Variants in TEP1 observed in about 807,000 individuals in gnomAD.
TEP1 encodes the protein telomerase protein component 1.
A neutral mutation model predicts 306.3 loss-of-function variants in TEP1; 241 were observed. That is an observed-to-expected ratio of 0.79 (90% CI 0.71 to 0.88). The LOEUF (loss-of-function observed/expected upper bound fraction) is 0.88, where lower values mean the gene tolerates loss of function less well. Among genes scored for constraint, TEP1 ranks in the 40% least tolerant of loss-of-function variants. The probability of loss-of-function intolerance (pLI) is 0.00; values close to 1 mark genes in which losing one functional copy is unlikely to be tolerated. For synonymous variants in TEP1, 1,289 were observed against 1,305.5 expected (o/e 0.99, Z 0.27); for missense variants, 3,051 against 3,276.1 (o/e 0.93, Z 1.68).
chr14:20,373,380 A>G lies in TEP1; in HGVS notation c.6704T>C (p.Leu2235Pro). ...AGCACGGACTGGGCCGCTGTGTCCCAGGAGGGTGTGGGTTTGGCACACCTA... is the reference window on the plus strand; with the variant it reads ...AGCACGGACTGGGCCGCTGTGTCCCGGGAGGGTGTGGGTTTGGCACACCTA... ...PLLVCQTHTL[L>P]GHSGPVRAAA... The change falls in exon 47 of 55, where the codon CTG (leucine) becomes CCG (proline). Residue 2235 changes from leucine to proline, a missense_variant. Physicochemically the swap from Leu to Pro is moderately conservative, Grantham distance 98. Coordinates refer to ENST00000262715, the MANE Select transcript of TEP1 (RefSeq NM_007110.5). 1 of 1,614,186 alleles carries G rather than the reference A, an allele frequency of 6.2e-7. No homozygotes were observed. The highest frequency in any genetic ancestry group is 8.5e-7 in the Non-Finnish European group (1 of 1,180,042).
chr14:20,386,071 T>A lies in TEP1; in HGVS notation c.2982+4A>T. On this transcript the variant is annotated splice_donor_region_variant and intron_variant, in intron 20 of 54. Coordinates refer to ENST00000262715, the MANE Select transcript of TEP1 (RefSeq NM_007110.5). ...CAGCCCTCCTCCAAACCTGTCTGCC[T>A]TACCCAGTGGAAGTGTGGATGGTCA... 6.2e-7 allele frequency: 1 copy of A among 1,606,492 alleles called. No individual in the cohort carries two copies. Among genetic ancestry groups the A allele is most frequent in the African/African-American group, 1.3e-5 (1 of 74,590 alleles).
chr14:20,402,103 T>C (rs1405822087), intron 7 of TEP1, among the ~76,000 whole-genome samples: 1 of 152,054 alleles, frequency 6.6e-6, no homozygotes, highest in Non-Finnish European at 1.5e-5. Context: ...GTCAGGAGTT[T>C]GAGACCAGTC....
intron 2 of TEP1, 44 bp downstream of exon 2, chr14:20,407,829 C>T (rs766482594): frequency 6.7e-7 from 1 of 1,487,816 alleles, no homozygotes; most frequent in East Asian, 2.3e-5. Flanking sequence ...CAAGAGCATA[C>T]AACAGACATG....
intron 1 of TEP1, among the ~76,000 whole-genome samples, chr14:20,410,664 A>T (rs1294837172): frequency 1.4e-5 from 2 of 147,582 alleles, no homozygotes; most frequent in African/African-American, 2.5e-5. Flanking sequence ...CTGGTCTCGA[A>T]CTCCTGACCT....
At position 20,391,049 on chromosome 14, in the gene TEP1, C is replaced by A. The variant is rs773710293; in HGVS notation, c.2145G>T (p.Arg715Ser). Residue 715 changes from arginine (R) to serine (S), a missense_variant, in exon 14 of 55, where the codon AGG becomes AGT. By Grantham distance (110) the Arg-to-Ser change is moderately radical. Coordinates refer to ENST00000262715, the MANE Select transcript of TEP1 (RefSeq NM_007110.5). ...ACAGCACGACGTCCACCTGCTCCGC[C>A]CTCGTGATCATCATCCCAATCAACA... The part of the protein sequence containing the change: ...ALLLIGMMIT[R>S]AEQVDVVLCG... The A allele has an allele frequency of 6.2e-7, 1 of 1,614,136 alleles. No individual in the cohort carries two copies. Among genetic ancestry groups the A allele is most frequent in the South Asian group, 1.1e-5 (1 of 91,080 alleles).
chr14:20,403,377 C>G lies in TEP1; in HGVS notation c.1266G>C (p.Lys422Asn), dbSNP rs749073105. ...TACAACCCCAGAAGAAGGGACTCAC[C>G]TTTCTCTGCTCTTCTCTGAGAAACC... ...YIGFLREEQRKFEKAGDTVSE... is the reference protein window; with the variant it reads ...YIGFLREEQRNFEKAGDTVSE... The change falls in exon 7 of 55, where the codon AAG becomes AAC. Residue 422 changes from lysine to asparagine, a missense_variant and splice_region_variant. Coordinates refer to ENST00000262715, the MANE Select transcript of TEP1 (RefSeq NM_007110.5). The G allele has an allele frequency of 1.9e-6, 3 of 1,614,034 alleles. No homozygotes were observed. Among genetic ancestry groups the G allele is most frequent in the Non-Finnish European group, 2.5e-6 (3 of 1,180,006 alleles).
chr14:20,395,359 A>G (rs756035803), intron 12 of TEP1, 91 bp downstream of exon 12: 137 of 1,357,340 alleles, frequency 1.0e-4, no homozygotes, highest in Non-Finnish European at 1.3e-4. Context: ...AAACCTTTAC[A>G]GAAAAACAGT....
At chr14:20,387,860 C>T in intron 18 of TEP1, 45 bp downstream of exon 18, 1 of 1,552,076 alleles carries the variant, frequency 6.4e-7, no homozygotes, top group Non-Finnish European at 8.7e-7. Context: ...CAAGGTTTGA[C>T]TGCAGCCCCT....
chr14:20,391,447 G>T, intron 13 of TEP1, 152 bp downstream of exon 13: 1 of 902,046 alleles, frequency 1.1e-6, no homozygotes, highest in Non-Finnish European at 1.7e-6. Flanking sequence ...TTGCCCCTAG[G>T]AACCAAGGAC....
Position 20,382,320 on chromosome 14 carries a change from G to T in TEP1, c.4177C>A (p.Pro1393Thr), listed in dbSNP as rs753467724. 1 of 1,613,518 alleles carries T rather than the reference G, an allele frequency of 6.2e-7. No homozygotes were observed. Among genetic ancestry groups the T allele is most frequent in the Non-Finnish European group, 8.5e-7 (1 of 1,179,686 alleles). ...CTCAGGATGTGCTGCAGCAGCAGGG[G>T]GACAGTGGCAGGCAGGGTCCGGAGT... Reference protein sequence around the residue: ...ERLRTLPATVPLLLQHILSTL... With the variant: ...ERLRTLPATVTLLLQHILSTL... The change falls in exon 29 of 55, where the codon CCC (proline) becomes ACC (threonine). Residue 1393 changes from proline to threonine, a missense_variant. This residue lies in a region of TEP1 where 1,540 missense variants were observed against 1,705.9 expected (regional missense o/e 0.90). Transcript: ENST00000262715.
intron 5 of TEP1, 91 bp downstream of exon 5, chr14:20,404,520 C>T: frequency 1.3e-6 from 2 of 1,488,468 alleles, no homozygotes; most frequent in Non-Finnish European, 1.8e-6. Flanking sequence ...TGAGGGGAAA[C>T]CAAATTGCCT....
At chr14:20,383,077 C>T in intron 27 of TEP1, 97 bp downstream of exon 27, 3 of 1,322,058 alleles carry the variant, frequency 2.3e-6, no homozygotes, top group African/African-American at 1.5e-5. Flanking sequence ...AACAAAGGAG[C>T]AGGTCTGTGC....
In TEP1 at chr14:20,368,398, C is replaced by G. The variant is rs2138980900; in HGVS notation, c.*39G>C. 6.2e-7 allele frequency: 1 copy of G among 1,601,496 alleles called. No homozygotes were observed. The highest frequency in any genetic ancestry group is 8.6e-7 in the Non-Finnish European group (1 of 1,169,522). On this transcript the variant is annotated 3_prime_UTR_variant, in exon 55 of 55. Coordinates refer to ENST00000262715, the MANE Select transcript of TEP1 (RefSeq NM_007110.5). ...ACCAGTGTCTTCAGGCTTTGCATCT[C>G]TAGCACAAGGGGTATCATTATTCCC...
chr14:20,385,018 G>A lies in TEP1; in HGVS notation c.3074C>T (p.Ala1025Val). 6.2e-7 allele frequency: 1 copy of A among 1,614,264 alleles called. No individual in the cohort carries two copies. The highest frequency in any genetic ancestry group is 8.5e-7 in the Non-Finnish European group (1 of 1,180,054). ...GCTGGAATCCCGGAAGTAGATGAGA[G>A]CTTGGGCAGAGGGCTGCAGACGTTG... is the stretch of plus-strand genomic sequence containing the variant. ...RNQRLQPSAQ[A>V]LIYFRDSSFL... The change falls in exon 21 of 55, where the codon GCT (alanine) becomes GTT (valine). Residue 1025 changes from alanine to valine, a missense_variant. By Grantham distance (64) the Ala-to-Val change is moderately conservative (BLOSUM62 0). This residue lies in a region of TEP1 where 1,507 missense variants were observed against 1,550.5 expected (regional missense o/e 0.97). Transcript: ENST00000262715.
rs764025044 is a variant in TEP1 at position 20,406,318 on chromosome 14, T to A, written c.650A>T (p.Glu217Val). The change falls in exon 3 of 55, where the codon GAG becomes GTG. Residue 217 changes from glutamate (E) to valine (V), a missense_variant. Physicochemically the swap from Glu to Val is moderately radical, Grantham distance 121. Coordinates refer to ENST00000262715, the MANE Select transcript of TEP1 (RefSeq NM_007110.5). ...SYSLSLGEEE[E>V]VEDLAVKLTS... Reference sequence around the variant, plus strand: ...GAGCTTCACGGCCAGATCCTCCACCTCCTCCTCCTCTCCCAAGCTCAGACT... The same window carrying A: ...GAGCTTCACGGCCAGATCCTCCACCACCTCCTCCTCTCCCAAGCTCAGACT... The A allele has an allele frequency of 6.8e-6, 11 of 1,613,074 alleles. No individual in the cohort carries two copies. The highest frequency in any genetic ancestry group is 9.3e-6 in the Non-Finnish European group (11 of 1,179,284).
chr14:20,396,118 A>G (rs1266784895), intron 10 of TEP1, among the ~76,000 whole-genome samples, 169 bp from the exon 11 acceptor site: 1 of 152,210 alleles, frequency 6.6e-6, no homozygotes, highest in Admixed American at 6.5e-5. Flanking sequence ...TCATTTTAGG[A>G]TGTGAGAAAA....
At chr14:20,374,608 G>A in intron 43 of TEP1, 72 bp from the exon 44 acceptor site, 1 of 1,084,528 alleles carries the variant, frequency 9.2e-7, no homozygotes, top group Non-Finnish European at 1.3e-6. Flanking sequence ...TGTAGTGTAG[G>A]GTGGAAGGCG....
intron 51 of TEP1, among the ~76,000 whole-genome samples, chr14:20,370,531 T>G (rs2138993023): frequency 6.6e-6 from 1 of 152,354 alleles, no homozygotes; most frequent in Middle Eastern, 3.4e-3. Context: ...CAGCATGCAG[T>G]ATCACATTAA....
In TEP1 at chr14:20,388,001, A is replaced by G. The variant is rs755874453; in HGVS notation, c.2588T>C (p.Phe863Ser). Residue 863 changes from phenylalanine (F) to serine (S), a missense_variant, in exon 18 of 55, where the codon TTC becomes TCC. Coordinates refer to ENST00000262715, the MANE Select transcript of TEP1 (RefSeq NM_007110.5). ...LEHVGQMDKI[F>S]KIPPPPGKTG... ...CTTTCCTGGGGGTGGTGGAATCTTG[A>G]ATATTTTGTCCATTTGGCCCACATG... 2 of 1,614,016 alleles carry G rather than the reference A, an allele frequency of 1.2e-6. No homozygotes were observed. The highest frequency in any genetic ancestry group is 2.7e-5 in the African/African-American group (2 of 74,920).
Sources: gnomAD v4.1 joint callset for allele counts (sites outside exome capture counted in the v4.1 genomes callset) on GRCh38, gnomAD v4.1.1 for gene constraint, gnomAD v4.1.1 regional missense constraint, MANE v1.5 for transcripts, NCBI Gene and HGNC (gene_info 2026-07-23, HGNC 2026-07-21) for gene names.